Variants in LRTM1 observed in about 807,000 individuals in gnomAD.
LRTM1 encodes leucine-rich repeat and transmembrane domain-containing protein 1.
LRTM1 carries 38 observed loss-of-function variants against 32.4 expected under a neutral mutation model. The ratio of observed to expected loss-of-function variants is 1.17; its 90% CI spans 0.91 to 1.54. LRTM1 has a LOEUF of 1.54. Ranked by LOEUF, LRTM1 falls within the 40% of genes most tolerant of loss-of-function variation. LRTM1 has a pLI of 0.00. For missense variants in LRTM1, 466 were observed against 415.4 expected, an observed-to-expected ratio of 1.12 and a Z score of -1.06; for synonymous variants, 186 against 169.9, an observed-to-expected ratio of 1.09 and a Z score of -0.74.
chr3:54,930,065 A>G (rs1010719178), upstream of LRTM1, among the ~76,000 whole-genome samples: 2 of 152,214 alleles, frequency 1.3e-5, no homozygotes, highest in Non-Finnish European at 2.9e-5. Flanking sequence ...CTCTGCTGTT[A>G]TAGTTTGGAA....
chr3:54,956,363 C>T (rs1701892608), intron 1 of LRTM1, among the ~76,000 whole-genome samples: 1 of 152,156 alleles, frequency 6.6e-6, no homozygotes, highest in Admixed American at 6.5e-5. Context: ...TCTTGTTGAC[C>T]CACCACCAAG....
chr3:54,934,016 C>T (rs751440082), intron 1 of LRTM1, among the ~76,000 whole-genome samples: 5 of 152,168 alleles, frequency 3.3e-5, no homozygotes, highest in Non-Finnish European at 7.4e-5. Context: ...GGTGGTCCAC[C>T]TGCCTCGGCC....
Position 54,924,921 on chromosome 3 carries a change from T to C in LRTM1, c.302A>G (p.Gln101Arg). 6.2e-7 allele frequency: 1 copy of C among 1,613,142 alleles called. No homozygotes were observed. The highest frequency in any genetic ancestry group is 8.5e-7 in the Non-Finnish European group (1 of 1,179,142). Residue 101 changes from glutamine to arginine, a missense_variant, in exon 2 of 3, where the codon CAG (glutamine) becomes CGG (arginine). By Grantham distance (43) the Gln-to-Arg change is conservative. Coordinates refer to ENST00000273286, the MANE Select transcript of LRTM1 (RefSeq NM_020678.4). Reference sequence around the variant, plus strand: ...TGAATTCTGGGTTAGATTTAAAACCTGCAAGTGCTGAAGCCCATGGAAAGC... The same window carrying C: ...TGAATTCTGGGTTAGATTTAAAACCCGCAAGTGCTGAAGCCCATGGAAAGC... ...PGAFHGLQHL[Q>R]VLNLTQNSLL...
intron 1 of LRTM1, among the ~76,000 whole-genome samples, chr3:54,936,787 A>G (rs1701339837): frequency 1.3e-5 from 2 of 152,190 alleles, no homozygotes; most frequent in Admixed American, 1.3e-4. Flanking sequence ...ATCATGAAGC[A>G]TGACTATCAG....
rs906714879 is a variant in LRTM1 at position 54,918,811 on chromosome 3, T to A, written c.686A>T (p.Tyr229Phe). 21 of 1,613,356 alleles carry A rather than the reference T, an allele frequency of 1.3e-5. No individual in the cohort carries two copies. Among genetic ancestry groups the A allele is most frequent in the Non-Finnish European group, 1.8e-5 (21 of 1,179,630 alleles). ...AGGAGCAGGAAGAGGGCAGGGCTGG[T>A]ACAGCTCATGAGGGATCCTAAGGAG... is the stretch of plus-strand genomic sequence containing the variant. Reference protein sequence around the residue: ...KDLLRIPHELYQPCPLPAPDP... With the variant: ...KDLLRIPHELFQPCPLPAPDP... Residue 229 changes from tyrosine (Y) to phenylalanine (F), a missense_variant, in exon 3 of 3, where the codon TAC becomes TTC. By Grantham distance (22) the Tyr-to-Phe change is conservative. Transcript: ENST00000273286.
chr3:54,942,655 G>A (rs1045283753), intron 1 of LRTM1, among the ~76,000 whole-genome samples: 1 of 152,110 alleles, frequency 6.6e-6, no homozygotes, highest in African/African-American at 2.4e-5. Flanking sequence ...TTGGGAGACT[G>A]AGCCAGAAGG....
At chr3:54,954,258 C>T (rs1701827057) in intron 1 of LRTM1, among the ~76,000 whole-genome samples, 1 of 152,222 alleles carries the variant, frequency 6.6e-6, no homozygotes, top group South Asian at 2.1e-4. Context: ...AGTCAGTCGG[C>T]AGCTCCCTGG....
intron 1 of LRTM1, among the ~76,000 whole-genome samples, chr3:54,960,741 A>G (rs1199896882): frequency 1.3e-5 from 2 of 152,162 alleles, no homozygotes; most frequent in Admixed American, 6.5e-5. Context: ...GTTTTGCCCA[A>G]ATTAGTCCCA....
chr3:54,931,234 C>T (rs906831144), upstream of LRTM1, among the ~76,000 whole-genome samples: 2 of 152,202 alleles, frequency 1.3e-5, no homozygotes, highest in Non-Finnish European at 2.9e-5. Flanking sequence ...TAATGGGTTC[C>T]TGGCAACATC....
intron 1 of LRTM1, among the ~76,000 whole-genome samples, chr3:54,942,801 G>T (rs1701507146): frequency 6.6e-6 from 1 of 152,036 alleles, no homozygotes; most frequent in East Asian, 1.9e-4. Context: ...GAGGCGGGTG[G>T]ATCACAAGGT....
chr3:54,952,177 C>A (rs1233909149), intron 1 of LRTM1, among the ~76,000 whole-genome samples: 2 of 152,322 alleles, frequency 1.3e-5, no homozygotes, highest in East Asian at 3.9e-4. Flanking sequence ...GCCTCCTGCA[C>A]CCCTGTTGGT....
Position 54,924,706 on chromosome 3 carries a change from T to G in LRTM1, c.517A>C (p.Arg173=), listed in dbSNP as rs1344744065. Residue 173 remains arginine, a synonymous_variant, in exon 2 of 3, where the codon AGG becomes CGG. Coordinates refer to ENST00000273286, the MANE Select transcript of LRTM1 (RefSeq NM_020678.4). The part of the protein sequence containing the change: ...RALLESMPSV[R]LLLLKDNLWK... Reference sequence around the variant, plus strand: ...AGGTTGTCCTTGAGAAGTAAAAGCCTCACACTGGGCATGGATTCCAGGAGC... The same window carrying G: ...AGGTTGTCCTTGAGAAGTAAAAGCCGCACACTGGGCATGGATTCCAGGAGC... The G allele has an allele frequency of 6.2e-7, 1 of 1,614,102 alleles. No individual in the cohort carries two copies. Among genetic ancestry groups the G allele is most frequent in the South Asian group, 1.1e-5 (1 of 91,072 alleles).
At chr3:54,950,939 G>A (rs1356182) in intron 1 of LRTM1, among the ~76,000 whole-genome samples, 1 of 152,204 alleles carries the variant, frequency 6.6e-6, no homozygotes, top group South Asian at 2.1e-4. Flanking sequence ...GGGCTCAGTG[G>A]CAGAGGGGAA....
chr3:54,960,713 G>A (rs71308053), intron 1 of LRTM1, among the ~76,000 whole-genome samples: 3,200 of 152,210 alleles, frequency 0.021, 44 homozygotes, highest in Middle Eastern at 0.095. Flanking sequence ...TCATCTTCCC[G>A]AGGATACTCT....
chr3:54,946,723 C>G (rs1402673106), intron 1 of LRTM1, among the ~76,000 whole-genome samples: 2 of 151,884 alleles, frequency 1.3e-5, no homozygotes, highest in Non-Finnish European at 2.9e-5. Context: ...CACTTCTCCA[C>G]TGGATGCAAA....
intron 2 of LRTM1, among the ~76,000 whole-genome samples, chr3:54,923,848 TTCTGTA>T (rs1335429372): frequency 6.6e-6 from 1 of 152,206 alleles, no homozygotes; most frequent in African/African-American, 2.4e-5. Flanking sequence ...TGGCAAACTT[TTCTGTA>T]AAGGGCCAGA....
chr3:54,964,818 ATT>A (rs111676613), intron 1 of LRTM1, among the ~76,000 whole-genome samples: 2 of 144,314 alleles, frequency 1.4e-5, no homozygotes, highest in Non-Finnish European at 1.5e-5. Context: ...GGTTATTCTT[ATT>A]TTTTTTTTTG....
Position 54,927,931 on chromosome 3 carries a change from TCCTTGCTGA to T in LRTM1, c.-29_-21del. 6.2e-7 allele frequency: 1 copy of T among 1,613,518 alleles called. No homozygotes were observed. ...TTTCATGACTGAGTCTCCTTGGGCG[TCCTTGCTGA>T]CCTCGTAGACCCTTTAATTAATGTG... On this transcript the variant is annotated 5_prime_UTR_variant, in exon 1 of 3. Coordinates refer to ENST00000273286, the MANE Select transcript of LRTM1 (RefSeq NM_020678.4).
intron 1 of LRTM1, among the ~76,000 whole-genome samples, chr3:54,953,942 A>G (rs1051193423): frequency 2.0e-5 from 3 of 152,200 alleles, no homozygotes; most frequent in African/African-American, 7.2e-5. Context: ...TTCTTGTGTC[A>G]TGAATAAGCA....
Sources: gnomAD v4.1 joint callset for allele counts (sites outside exome capture counted in the v4.1 genomes callset) on GRCh38, gnomAD v4.1.1 for gene constraint, MANE v1.5 for transcripts, NCBI Gene and HGNC (gene_info 2026-07-23, HGNC 2026-07-21) for gene names.